Variants in CEP57 observed in about 807,000 individuals in gnomAD.
CEP57 encodes centrosomal protein 57, also known as centrosomal protein of 57 kDa.
A neutral mutation model predicts 68.0 loss-of-function variants in CEP57; 40 were observed. The ratio of observed to expected loss-of-function variants is 0.59; its 90% CI spans 0.46 to 0.77. The LOEUF (loss-of-function observed/expected upper bound fraction) is 0.77. Ranked by LOEUF, CEP57 falls within the 30% of genes least tolerant of loss-of-function variation. The probability of loss-of-function intolerance (pLI) is 0.00; values close to 1 mark genes in which losing one functional copy is unlikely to be tolerated. For missense variants in CEP57, 606 were observed against 580.7 expected, an observed-to-expected ratio of 1.04 and a Z score of -0.45; for synonymous variants, 219 against 198.7, an observed-to-expected ratio of 1.10 and a Z score of -0.86.
Position 95,830,061 on chromosome 11 carries a change from C to A in CEP57, c.1272+730C>A, listed in dbSNP as rs796160636. ...AAGCTGAGAAGTTCAGAGAGCAGAA[C>A]AGTTTTGTTGACTGTTGATTGGTAG... is the stretch of plus-strand genomic sequence containing the variant. On this transcript the variant is annotated intron_variant, in intron 10 of 10. Coordinates refer to ENST00000325542, the MANE Select transcript of CEP57 (RefSeq NM_014679.5). Among the ~76,000 whole-genome samples, 4 of 152,292 alleles carry A rather than the reference C, an allele frequency of 2.6e-5. No homozygotes were observed. The South Asian group carries it at 6.2e-4, about 24-fold the overall frequency.
chr11:95,803,316 TAAA>T (rs894012924), intron 2 of CEP57, among the ~76,000 whole-genome samples: 3 of 152,008 alleles, frequency 2.0e-5, no homozygotes, highest in Non-Finnish European at 2.9e-5. Context: ...AAATGAAAAT[TAAA>T]AAGTCAAGTA....
chr11:95,827,606 ATAGT>A (rs879543887), intron 8 of CEP57, 176 bp from the exon 9 acceptor site: 88 of 695,126 alleles, frequency 1.3e-4, no homozygotes, highest in African/African-American at 4.0e-4. Context: ...ATTCTGAAAC[ATAGT>A]TAGTGGATTT....
intron 4 of CEP57, 108 bp downstream of exon 4, chr11:95,813,697 A>T: frequency 1.5e-6 from 2 of 1,340,854 alleles, no homozygotes; most frequent in Non-Finnish European, 2.1e-6. Flanking sequence ...GTTACAGCCC[A>T]GGACTGAAAT....
Position 95,790,610 on chromosome 11 carries a change from C to T in CEP57, c.-89C>T. The T allele has an allele frequency of 1.3e-6, 2 of 1,518,464 alleles. No individual in the cohort carries two copies. Among genetic ancestry groups the T allele is most frequent in the Non-Finnish European group, 1.8e-6 (2 of 1,111,100 alleles). 94.1% of individuals were successfully genotyped at this position (1,518,464 alleles called of 1,614,324 possible). On this transcript the variant is annotated 5_prime_UTR_variant, in exon 1 of 11. Transcript: ENST00000325542. Reference sequence around the variant, plus strand: ...CCATCAGGGGTTCAGCCTAGGGTCCCCGCTGGTGGGCGGCTCCCGAGTCTT... The same window carrying T: ...CCATCAGGGGTTCAGCCTAGGGTCCTCGCTGGTGGGCGGCTCCCGAGTCTT...
chr11:95,816,957 G>A (rs1414371248), intron 4 of CEP57, among the ~76,000 whole-genome samples: 3 of 151,612 alleles, frequency 2.0e-5, no homozygotes, highest in Admixed American at 2.0e-4. Context: ...GTTGCAGTGA[G>A]CTGAGATGAT....
chr11:95,818,364 T>A (rs1033021155), intron 5 of CEP57, among the ~76,000 whole-genome samples: 8 of 149,550 alleles, frequency 5.3e-5, no homozygotes, highest in African/African-American at 2.0e-4. Flanking sequence ...TGAGCCGAGA[T>A]CACGCCATTT....
At chr11:95,830,936 A>C in intron 10 of CEP57, 90 bp from the exon 11 acceptor site, 1 of 986,360 alleles carries the variant, frequency 1.0e-6, no homozygotes, top group Non-Finnish European at 1.6e-6. Context: ...GAGTTAACCA[A>C]AAAAAGGTAC....
chr11:95,793,503 A>T (rs1861196276), intron 1 of CEP57, among the ~76,000 whole-genome samples: 1 of 152,162 alleles, frequency 6.6e-6, no homozygotes, highest in African/African-American at 2.4e-5. Flanking sequence ...AATATTAAAT[A>T]TAAGATTTAC....
rs775835653 is a variant in CEP57, at chr11:95,829,157, A to C, written c.1128-30A>C. 1.9e-6 allele frequency: 3 copies of C among 1,612,322 alleles called. No individual in the cohort carries two copies. The South Asian group carries it at 3.3e-5, about 18-fold the overall frequency. On this transcript the variant is annotated intron_variant, in intron 9 of 10. Coordinates refer to ENST00000325542, the MANE Select transcript of CEP57 (RefSeq NM_014679.5). ...CCTAACCATGAAACACAGAAAACTTAACCATGTTCTACTTCTGCTTTGTAT... is the reference window on the plus strand; with the variant it reads ...CCTAACCATGAAACACAGAAAACTTCACCATGTTCTACTTCTGCTTTGTAT...
intron 10 of CEP57, 74 bp from the exon 11 acceptor site, chr11:95,830,952 T>G (rs1167069028): frequency 1.8e-6 from 2 of 1,132,744 alleles, no homozygotes; most frequent in Non-Finnish European, 2.7e-6. Flanking sequence ...GGTACTCTTG[T>G]ACTTTTTGTT....
chr11:95,790,998 C>T (rs1214514484), intron 1 of CEP57, among the ~76,000 whole-genome samples: 1 of 152,200 alleles, frequency 6.6e-6, no homozygotes, highest in Non-Finnish European at 1.5e-5. Flanking sequence ...AGCAACCAAC[C>T]CCGGTTGCCT....
At chr11:95,799,928 A>G (rs111825626) in intron 2 of CEP57, among the ~76,000 whole-genome samples, 304 of 152,326 alleles carry the variant, frequency 2.0e-3, no homozygotes, top group African/African-American at 6.8e-3. Context: ...TATATGCCTC[A>G]CCAGCTTCAT....
Position 95,827,818 on chromosome 11 carries a change from T to A in CEP57, c.918T>A (p.Asn306Lys), listed in dbSNP as rs984460249. Reference sequence around the variant, plus strand: ...GCCCTAGCCATGCCGTGGTAGCCAATGTTCAGCTTGTCTTGCATCTAATGA... The same window carrying A: ...GCCCTAGCCATGCCGTGGTAGCCAAAGTTCAGCTTGTCTTGCATCTAATGA... ...STSPSHAVVA[N>K]VQLVLHLMKQ... Residue 306 changes from asparagine to lysine, a missense_variant, in exon 9 of 11, where the codon AAT (asparagine) becomes AAA (lysine). By Grantham distance (94) the Asn-to-Lys change is moderately conservative. Coordinates refer to ENST00000325542, the MANE Select transcript of CEP57 (RefSeq NM_014679.5). 4 of 1,614,030 alleles carry A rather than the reference T, an allele frequency of 2.5e-6. No individual in the cohort carries two copies. Among genetic ancestry groups the A allele is most frequent in the Non-Finnish European group, 3.4e-6 (4 of 1,180,016 alleles).
In CEP57 at chr11:95,831,050, CAGA is replaced by C. The variant is rs1431611878; in HGVS notation, c.1303_1305del (p.Lys435del). 6.2e-6 allele frequency: 10 copies of C among 1,612,002 alleles called. No homozygotes were observed. The highest frequency in any genetic ancestry group is 4.0e-5 in the African/African-American group (3 of 74,806). On this transcript the variant is annotated inframe_deletion, in exon 11 of 11. Transcript: ENST00000325542. Reference sequence around the variant, plus strand: ...GCTGGAGAAACAGAAGTTAGAGAAGCAGAAGAAGGAATTAAAAGCTACCAAAAA... The same window carrying C: ...GCTGGAGAAACAGAAGTTAGAGAAGCAGAAGGAATTAAAAGCTACCAAAAA...
rs1251438242 is a variant in CEP57, at chr11:95,832,141, A to T, written c.*885A>T. 1 of 152,098 alleles carries T rather than the reference A, an allele frequency of 6.6e-6. No individual in the cohort carries two copies. The highest frequency in any genetic ancestry group is 6.6e-5 in the Admixed American group (1 of 15,254). 9.4% of individuals were successfully genotyped at this position (152,098 alleles called of 1,614,324 possible). ...TGGAATATAAACTGTACACATAATT[A>T]TCATGTTGATATAAATCATAATTTC... On this transcript the variant is annotated 3_prime_UTR_variant, in exon 11 of 11. Transcript: ENST00000325542.
chr11:95,807,372 C>T (rs1472402520), intron 2 of CEP57, among the ~76,000 whole-genome samples: 3 of 152,090 alleles, frequency 2.0e-5, no homozygotes, highest in Admixed American at 6.5e-5. Flanking sequence ...ATGACTTTGA[C>T]GAGTTGAGAG....
Position 95,813,142 on chromosome 11 carries a change from CAAAAT to C in CEP57, c.382+34_382+38del, listed in dbSNP as rs766961355. On this transcript the variant is annotated intron_variant, in intron 3 of 10. Transcript: ENST00000325542. The stretch of plus-strand genomic sequence containing the variant: ...TTGATGAAGAAAATTAAAATTCTAT[CAAAAT>C]AAGTGTTGTGCAGTATTAAGTATTC... 3.8e-6 allele frequency: 6 copies of C among 1,594,012 alleles called. No individual in the cohort carries two copies. In the Admixed American group the frequency reaches 1.0e-4, roughly 27 times the overall value.
At chr11:95,818,045 T>C (rs1590947387) in intron 5 of CEP57, 142 bp downstream of exon 5, 2 of 652,572 alleles carry the variant, frequency 3.1e-6, no homozygotes, top group Non-Finnish European at 5.5e-6. Flanking sequence ...AAAGAAAATA[T>C]AAATTTGGAG....
At chr11:95,824,479 G>A (rs1290660097) in intron 8 of CEP57, among the ~76,000 whole-genome samples, 1 of 152,164 alleles carries the variant, frequency 6.6e-6, no homozygotes, top group African/African-American at 2.4e-5. Context: ...TCTAAAGCTG[G>A]AGAATTTAAT....
Sources: allele counts gnomAD v4.1 joint callset (sites outside exome capture counted in the v4.1 genomes callset), GRCh38; gene constraint gnomAD v4.1.1; transcripts MANE v1.5; gene names NCBI Gene and HGNC (gene_info 2026-07-23, HGNC 2026-07-21).